The following RASSF3 variants were observed in gnomAD, a reference collection of about 807,000 sequenced individuals.
RASSF3 encodes ras association domain-containing protein 3.
Under a neutral mutation model 19.9 loss-of-function variants are expected in RASSF3, and 19 were observed. That is an observed-to-expected ratio of 0.96 (90% confidence interval 0.67 to 1.40). The LOEUF (loss-of-function observed/expected upper bound fraction) is 1.40. Among genes scored for constraint, RASSF3 ranks in the 40% most tolerant of loss-of-function variants. The pLI is 0.00. For synonymous variants in RASSF3, 110 were observed against 104.2 expected (o/e 1.06, Z -0.34); for missense variants, 306 against 289.8 (o/e 1.06, Z -0.41).
intron 2 of RASSF3, among the ~76,000 whole-genome samples, chr12:64,552,571 C>A (rs554172954): frequency 2.0e-5 from 3 of 152,268 alleles, no homozygotes; most frequent in African/African-American, 4.8e-5. Flanking sequence ...GTTCCCCTCC[C>A]TGTGTCCATG....
rs193037738 is a variant in RASSF3, at chr12:64,697,228, C to A, written c.*2316C>A. ...TGGTTCTTGAAGACTGATGTCCTTT[C>A]CCAAACACTGGTTACTGCAGCAGCA... is the stretch of plus-strand genomic sequence containing the variant. On this transcript the variant is annotated 3_prime_UTR_variant, in exon 5 of 5. Transcript: ENST00000542104. The A allele has an allele frequency of 7.9e-5, 12 of 152,200 alleles. No individual in the cohort carries two copies. Among genetic ancestry groups the A allele is most frequent in the African/African-American group, 2.9e-4 (12 of 41,542 alleles). 9.4% of individuals were successfully genotyped at this position (152,200 alleles called of 1,614,324 possible). A position where few individuals can be genotyped will look rare whatever the true frequency, so the allele number is the denominator to read the frequency against.
intron 1 of RASSF3, among the ~76,000 whole-genome samples, chr12:64,523,331 G>T (rs756805639): frequency 1.8e-4 from 27 of 152,040 alleles, no homozygotes; most frequent in Non-Finnish European, 3.7e-4. Flanking sequence ...TCTTGAACCC[G>T]GGAGGTAGAG....
At chr12:64,581,725 T>G (rs995270612) in intron 2 of RASSF3, among the ~76,000 whole-genome samples, 4 of 152,068 alleles carry the variant, frequency 2.6e-5, no homozygotes, top group Non-Finnish European at 4.4e-5. Flanking sequence ...AAGACCTCAT[T>G]GCCAAAGCCC....
exon 1 of RASSF3, chr12:64,507,029 A>C (rs1868296387): frequency 2.5e-6 from 1 of 396,240 alleles, no homozygotes; most frequent in Non-Finnish European, 4.4e-6. Context: ...ATGAGGGCCA[A>C]GGTCTAAAGG....
intron 1 of RASSF3, among the ~76,000 whole-genome samples, chr12:64,623,740 TC>T (rs1487560291): frequency 8.1e-4 from 123 of 151,488 alleles, no homozygotes; most frequent in African/African-American, 2.9e-3. Context: ...CTTCCCAGGT[TC>T]AAGAAATTCT....
At chr12:64,541,183 G>A (rs987179124) in intron 1 of RASSF3, among the ~76,000 whole-genome samples, 1 of 151,560 alleles carries the variant, frequency 6.6e-6, no homozygotes, top group African/African-American at 2.4e-5. Flanking sequence ...ATGGGGTTTC[G>A]CCATGTTGCC....
chr12:64,683,352 A>G (rs934511106), intron 1 of RASSF3, among the ~76,000 whole-genome samples: 6 of 152,178 alleles, frequency 3.9e-5, no homozygotes. Context: ...GTCATTTGTG[A>G]TCATGTCTGC....
chr12:64,597,033 C>T (rs1410759054), intron 2 of RASSF3, among the ~76,000 whole-genome samples: 2 of 152,152 alleles, frequency 1.3e-5, no homozygotes, highest in East Asian at 3.8e-4. Flanking sequence ...TCCTACAATG[C>T]TAGGATTACA....
intron 1 of RASSF3, among the ~76,000 whole-genome samples, chr12:64,656,434 T>C (rs1477531538): frequency 6.6e-6 from 1 of 152,222 alleles, no homozygotes; most frequent in African/African-American, 2.4e-5. Context: ...TTTTATGTTA[T>C]GTGAGTTATA....
intron 1 of RASSF3, among the ~76,000 whole-genome samples, chr12:64,539,354 C>T (rs1044838313): frequency 2.6e-5 from 4 of 152,126 alleles, no homozygotes; most frequent in Non-Finnish European, 5.9e-5. Flanking sequence ...TTCCCAAAGG[C>T]CTTACCTTCA....
intron 1 of RASSF3, among the ~76,000 whole-genome samples, chr12:64,620,487 T>C (rs908018235): frequency 7.2e-5 from 11 of 152,194 alleles, no homozygotes; most frequent in Non-Finnish European, 1.6e-4. Context: ...TAGAATCATA[T>C]GGTAATTCTG....
chr12:64,588,738 A>T (rs898854695), intron 2 of RASSF3, among the ~76,000 whole-genome samples: 2 of 152,156 alleles, frequency 1.3e-5, no homozygotes, highest in Admixed American at 1.3e-4. Flanking sequence ...ATCACTCTGT[A>T]TATTTAGTTT....
intron 2 of RASSF3, among the ~76,000 whole-genome samples, chr12:64,580,575 A>AACACACAC (rs201737911): frequency 0.056 from 7,901 of 141,294 alleles, 258 homozygotes; most frequent in Admixed American, 0.092. Context: ...TTTTTAGGAA[A>AACACACAC]ACACACACAC....
chr12:64,623,225 A>G (rs960408998), intron 1 of RASSF3, among the ~76,000 whole-genome samples: 4 of 152,248 alleles, frequency 2.6e-5, no homozygotes, highest in African/African-American at 7.2e-5. Context: ...AGAAAACAAC[A>G]TAGTTAAATA....
chr12:64,523,294 TA>T (rs1868516464), intron 1 of RASSF3, among the ~76,000 whole-genome samples: 1 of 152,034 alleles, frequency 6.6e-6, no homozygotes, highest in South Asian at 2.1e-4. Context: ...TAATCCCACC[TA>T]CTTGGGAGGC....
chr12:64,609,508 C>T (rs1870263164), upstream of RASSF3: 1 of 152,224 alleles, frequency 6.6e-6, no homozygotes, highest in African/African-American at 2.4e-5. Context: ...TTCAAAAAAA[C>T]CTTTCAGTCA....
At chr12:64,602,570 A>T (rs1234495830) in intron 2 of RASSF3, among the ~76,000 whole-genome samples, 2 of 149,948 alleles carry the variant, frequency 1.3e-5, no homozygotes, top group African/African-American at 2.5e-5. Flanking sequence ...CCAGAGCGAG[A>T]CTCCATCTCA....
intron 1 of RASSF3, among the ~76,000 whole-genome samples, chr12:64,533,987 T>C (rs1262433150): frequency 6.6e-6 from 1 of 152,204 alleles, no homozygotes; most frequent in Non-Finnish European, 1.5e-5. Context: ...GGCGGGACAA[T>C]GTGGCTCATG....
At chr12:64,673,962 C>G (rs1224963930) in intron 1 of RASSF3, among the ~76,000 whole-genome samples, 2 of 151,896 alleles carry the variant, frequency 1.3e-5, no homozygotes, top group African/African-American at 4.8e-5. Flanking sequence ...TTTAAAAGTA[C>G]AACCATATAG....
Sources: allele counts gnomAD v4.1 joint callset (sites outside exome capture counted in the v4.1 genomes callset), GRCh38; gene constraint gnomAD v4.1.1; transcripts MANE v1.5; gene names NCBI Gene and HGNC (gene_info 2026-07-23, HGNC 2026-07-21).